ITGA9: variants seen among roughly 807,000 people sequenced by gnomAD.
The protein encoded by ITGA9 is integrin subunit alpha 9, also known as integrin alpha-9.
Under a neutral mutation model 127.8 loss-of-function variants are expected in ITGA9, and 56 were observed. That is an observed-to-expected ratio of 0.44 (90% CI 0.35 to 0.55). The LOEUF (loss-of-function observed/expected upper bound fraction) is 0.55, where lower values mean the gene tolerates loss of function less well. ITGA9 is among the 20% of genes least tolerant of loss of function. The pLI, the probability that ITGA9 is intolerant of heterozygous loss-of-function variation, is 0.00. For synonymous variants in ITGA9, 508 were observed against 514.5 expected, an observed-to-expected ratio of 0.99 and a Z score of 0.17; for missense variants, 1,196 against 1,347.1, an observed-to-expected ratio of 0.89 and a Z score of 1.76.
intron 15 of ITGA9, among the ~76,000 whole-genome samples, chr3:37,627,382 TG>T (rs1285489936): frequency 6.6e-6 from 1 of 152,136 alleles, no homozygotes; most frequent in Non-Finnish European, 1.5e-5. Flanking sequence ...GTCTCCTCTC[TG>T]GGGCTGCTGC....
intron 15 of ITGA9, among the ~76,000 whole-genome samples, chr3:37,627,974 G>A (rs1013390800): frequency 3.3e-5 from 5 of 152,086 alleles, no homozygotes; most frequent in Admixed American, 3.3e-4. Context: ...GGAGGGGTGG[G>A]AGCAAATTCC....
At chr3:37,705,501 C>T (rs1205143781) in intron 18 of ITGA9, among the ~76,000 whole-genome samples, 2 of 152,182 alleles carry the variant, frequency 1.3e-5, no homozygotes, top group Non-Finnish European at 2.9e-5. Flanking sequence ...TTAAGAAAAC[C>T]AAATGTAGGT....
intron 22 of ITGA9, among the ~76,000 whole-genome samples, chr3:37,747,032 C>T (rs1696509626): frequency 6.6e-6 from 1 of 152,174 alleles, no homozygotes; most frequent in Admixed American, 6.5e-5. Flanking sequence ...GCATGTCATT[C>T]CTTCCTCTCT....
intron 22 of ITGA9, chr3:37,748,436 T>G: frequency 3.4e-6 from 2 of 587,376 alleles, no homozygotes; most frequent in Non-Finnish European, 6.4e-6. Flanking sequence ...CTGAAACACG[T>G]GAAGGAAAAT....
At chr3:37,523,655 A>G (rs1228933596) in intron 12 of ITGA9, 44 bp downstream of exon 12, 1 of 1,321,398 alleles carries the variant, frequency 7.6e-7, no homozygotes. Flanking sequence ...AATGAAGATA[A>G]ATGCATGAAG....
intron 18 of ITGA9, among the ~76,000 whole-genome samples, chr3:37,700,377 A>G (rs563774293): frequency 6.6e-6 from 1 of 152,038 alleles, no homozygotes; most frequent in African/African-American, 2.4e-5. Context: ...TTTTTGAGAC[A>G]AGGTCTCACT....
chr3:37,635,740 A>C, intron 16 of ITGA9, among the ~76,000 whole-genome samples: 1 of 149,446 alleles, frequency 6.7e-6, no homozygotes. Flanking sequence ...TTAACTAGTC[A>C]TTTAGCATTA....
intron 15 of ITGA9, among the ~76,000 whole-genome samples, chr3:37,622,544 T>TA (rs983158047): frequency 6.6e-6 from 1 of 152,096 alleles, no homozygotes; most frequent in Non-Finnish European, 1.5e-5. Flanking sequence ...AGTTGCCATT[T>TA]AAAAAATTGT....
intron 18 of ITGA9, among the ~76,000 whole-genome samples, chr3:37,688,129 G>C (rs9857211): frequency 0.076 from 11,529 of 152,184 alleles, 1,337 homozygotes; most frequent in African/African-American, 0.25. Context: ...GGTCCACACT[G>C]CCTGGGGCCA....
intron 17 of ITGA9, among the ~76,000 whole-genome samples, chr3:37,663,736 C>T (rs1160540062): frequency 3.3e-5 from 5 of 152,176 alleles, no homozygotes; most frequent in Admixed American, 6.5e-5. Context: ...ACTGACCAAG[C>T]ACTAGATACC....
At chr3:37,685,535 C>G (rs953968654) in intron 18 of ITGA9, among the ~76,000 whole-genome samples, 2 of 152,196 alleles carry the variant, frequency 1.3e-5, no homozygotes, top group Non-Finnish European at 2.9e-5. Flanking sequence ...ATCGCATGTG[C>G]TGTGATGCCA....
rs750077036 is a variant in ITGA9, at chr3:37,653,726, A to C, written c.1852A>C (p.Arg618=). Residue 618 remains arginine, a synonymous_variant, in exon 17 of 28, where the codon AGG becomes CGG. Transcript: ENST00000264741. ...GTCTTTCTCACAGACTGTTTTTGAA[A>C]GGAATTGCCGTTCAGAGGACTGTGC... ...IAQKNQTVFE[R]NCRSEDCAAD... 5 of 1,613,450 alleles carry C rather than the reference A, an allele frequency of 3.1e-6. No individual in the cohort carries two copies. Among genetic ancestry groups the C allele is most frequent in the Non-Finnish European group, 4.2e-6 (5 of 1,179,538 alleles).
intron 3 of ITGA9, 24 bp from the exon 4 acceptor site, chr3:37,481,460 C>T (rs755753543): frequency 3.7e-6 from 6 of 1,614,038 alleles, no homozygotes; most frequent in Non-Finnish European, 5.1e-6. Context: ...CTTTCCTGCT[C>T]TCAACTGCTC....
intron 26 of ITGA9, among the ~76,000 whole-genome samples, chr3:37,800,282 G>C (rs1487802935): frequency 6.6e-6 from 1 of 152,210 alleles, no homozygotes; most frequent in Non-Finnish European, 1.5e-5. Context: ...GCTGAGCTCA[G>C]TGTCTCAGTC....
intron 18 of ITGA9, among the ~76,000 whole-genome samples, chr3:37,727,698 A>G (rs747714449): frequency 3.0e-4 from 46 of 152,230 alleles, no homozygotes; most frequent in Non-Finnish European, 5.9e-4. Context: ...TCATAAGATA[A>G]CATCCTTTGC....
rs538047336 is a variant in ITGA9 at position 37,796,722 on chromosome 3, C to G, written c.2890-7101C>G. Reference sequence around the variant, plus strand: ...ACATCTCTTTTGTTGCAAACTGAGTCGTGTTCATACTTCATCTGATTTTAT... The same window carrying G: ...ACATCTCTTTTGTTGCAAACTGAGTGGTGTTCATACTTCATCTGATTTTAT... On this transcript the variant is annotated intron_variant, in intron 26 of 27. Transcript: ENST00000264741. Among the ~76,000 whole-genome samples the G allele has an allele frequency of 2.2e-4, 34 of 152,150 alleles. 2 individuals carry two copies. In the East Asian group the frequency reaches 4.1e-3, roughly 18 times the overall value.
intron 21 of ITGA9, among the ~76,000 whole-genome samples, chr3:37,743,467 A>G (rs771100089): frequency 6.6e-6 from 1 of 152,242 alleles, no homozygotes; most frequent in Non-Finnish European, 1.5e-5. Context: ...CCTAACTTCT[A>G]GTCATCTTGG....
intron 13 of ITGA9, among the ~76,000 whole-genome samples, chr3:37,530,923 T>C (rs1699144904): frequency 6.6e-6 from 1 of 151,876 alleles, no homozygotes; most frequent in Admixed American, 6.5e-5. Context: ...AGCTAATTTT[T>C]TGTATTTTTA....
At chr3:37,566,166 C>T (rs1368866435) in intron 15 of ITGA9, among the ~76,000 whole-genome samples, 5 of 152,162 alleles carry the variant, frequency 3.3e-5, no homozygotes, top group Non-Finnish European at 7.4e-5. Flanking sequence ...CCCCCTTATC[C>T]ATTGGGAATA....
Sources: gnomAD v4.1 joint callset for allele counts (sites outside exome capture counted in the v4.1 genomes callset) on GRCh38, gnomAD v4.1.1 for gene constraint, MANE v1.5 for transcripts, NCBI Gene and HGNC (gene_info 2026-07-23, HGNC 2026-07-21) for gene names.